TIAM2: variants seen among roughly 807,000 people sequenced by gnomAD.
TIAM2 encodes TIAM Rac1 associated GEF 2, also known as rho guanine nucleotide exchange factor TIAM2.
In TIAM2, 80 loss-of-function variants were observed where a neutral mutation model predicts 152.9. The ratio of observed to expected loss-of-function variants is 0.52; its 90% CI spans 0.44 to 0.63. The LOEUF is 0.63. Among genes scored for constraint, TIAM2 ranks in the 30% least tolerant of loss-of-function variants. TIAM2 has a pLI of 0.00. For missense variants in TIAM2, 1,965 were observed against 2,120.1 expected (o/e 0.93, Z 1.44); for synonymous variants, 804 against 838.0 (o/e 0.96, Z 0.70).
At chr6:155,036,465 T>C (rs1015010194) in intron 1 of TIAM2, among the ~76,000 whole-genome samples, 1 of 132,478 alleles carries the variant, frequency 7.5e-6, no homozygotes, top group Admixed American at 8.5e-5. Flanking sequence ...ACCCGGGAGG[T>C]GGAGGTTTCA....
chr6:155,046,552 C>T (rs1448239298), intron 1 of TIAM2, among the ~76,000 whole-genome samples: 1 of 152,186 alleles, frequency 6.6e-6, no homozygotes. Flanking sequence ...CCAGGCTGGT[C>T]TCGAACTCCT....
chr6:155,018,836 C>G (rs1451501129), intron 1 of TIAM2, among the ~76,000 whole-genome samples: 1 of 131,526 alleles, frequency 7.6e-6, no homozygotes, highest in East Asian at 2.2e-4. Context: ...GTCACGAGTT[C>G]GACATCAGCC....
At chr6:155,139,212 G>A (rs909440864) in intron 5 of TIAM2, among the ~76,000 whole-genome samples, 9 of 152,270 alleles carry the variant, frequency 5.9e-5, no homozygotes, top group East Asian at 1.9e-4. Context: ...GCCCCTTATC[G>A]AACAGTTGGA....
chr6:155,063,561 A>C (rs1026976530), intron 1 of TIAM2, among the ~76,000 whole-genome samples: 1 of 152,244 alleles, frequency 6.6e-6, no homozygotes, highest in Non-Finnish European at 1.5e-5. Flanking sequence ...AGGTGGGCGG[A>C]TCACAAGGTC....
chr6:155,032,228 G>A (rs9480017), intron 1 of TIAM2, among the ~76,000 whole-genome samples: 2 of 151,898 alleles, frequency 1.3e-5, no homozygotes, highest in Non-Finnish European at 1.5e-5. Context: ...AAGCCTGTGC[G>A]AACCTGCCTG....
chr6:155,107,515 A>G (rs1424423001), intron 2 of TIAM2, among the ~76,000 whole-genome samples: 1 of 152,218 alleles, frequency 6.6e-6, no homozygotes, highest in Admixed American at 6.5e-5. Context: ...ATTGATGACT[A>G]TTACTTTACC....
chr6:155,062,365 T>C (rs1777601729), intron 1 of TIAM2, among the ~76,000 whole-genome samples: 1 of 152,110 alleles, frequency 6.6e-6, no homozygotes. Context: ...AGGAGTAGAA[T>C]TGTTAGGTTG....
At chr6:155,106,812 G>A (rs1049810086) in intron 2 of TIAM2, among the ~76,000 whole-genome samples, 4 of 152,242 alleles carry the variant, frequency 2.6e-5, no homozygotes, top group African/African-American at 4.8e-5. Flanking sequence ...AGTCATGGGC[G>A]AGCCTGGCCT....
At chr6:155,187,261 G>C (rs1196668325) in intron 14 of TIAM2, among the ~76,000 whole-genome samples, 1 of 152,066 alleles carries the variant, frequency 6.6e-6, no homozygotes, top group Non-Finnish European at 1.5e-5. Flanking sequence ...AAAAAAATCT[G>C]TCTCTGTCTA....
intron 1 of TIAM2, among the ~76,000 whole-genome samples, chr6:155,077,143 C>A (rs1182664761): frequency 1.3e-5 from 2 of 151,822 alleles, no homozygotes; most frequent in African/African-American, 4.8e-5. Flanking sequence ...TCTATAAACT[C>A]CTAAAGCATG....
intron 2 of TIAM2, among the ~76,000 whole-genome samples, chr6:155,119,480 C>T (rs1779102448): frequency 6.6e-6 from 1 of 152,086 alleles, no homozygotes; most frequent in Non-Finnish European, 1.5e-5. Flanking sequence ...GCTGGGATTA[C>T]AGGCATGAGC....
At chr6:155,087,801 T>A (rs1778205831) in intron 1 of TIAM2, among the ~76,000 whole-genome samples, 1 of 152,130 alleles carries the variant, frequency 6.6e-6, no homozygotes, top group Non-Finnish European at 1.5e-5. Flanking sequence ...CATACTGGGT[T>A]AATGACAAAG....
intron 14 of TIAM2, among the ~76,000 whole-genome samples, chr6:155,194,045 T>C (rs901988539): frequency 1.3e-5 from 2 of 152,204 alleles, no homozygotes; most frequent in African/African-American, 4.8e-5. Flanking sequence ...CCGATACATA[T>C]GGAGCAGCAA....
chr6:155,236,054 A>G (rs758361012), intron 15 of TIAM2, among the ~76,000 whole-genome samples: 7 of 152,100 alleles, frequency 4.6e-5, no homozygotes, highest in Non-Finnish European at 7.4e-5. Flanking sequence ...ATATTGTCTG[A>G]GCTTGTGGTG....
At chr6:155,047,667 GGAGA>G (rs143874214) in intron 1 of TIAM2, among the ~76,000 whole-genome samples, 2 of 73,398 alleles carry the variant, frequency 2.7e-5, no homozygotes, top group African/African-American at 5.3e-5. Context: ...GAGAGAGAGA[GGAGA>G]GAGAGAGAGA....
chr6:155,029,762 A>ATATATATATATATATATAT (rs1370468640), intron 1 of TIAM2, among the ~76,000 whole-genome samples: 1 of 116,448 alleles, frequency 8.6e-6, no homozygotes, highest in African/African-American at 3.1e-5. Context: ...ATATATGTAG[A>ATATATATATATATATATAT]AAAAAACCTA....
At chr6:155,062,111 C>A (rs1417372093) in intron 1 of TIAM2, among the ~76,000 whole-genome samples, 1 of 150,530 alleles carries the variant, frequency 6.6e-6, no homozygotes, top group African/African-American at 2.4e-5. Flanking sequence ...CGCGCACCAC[C>A]CCCCACTTAG....
chr6:155,148,021 T>G (rs1186598526), intron 6 of TIAM2, 89 bp from the exon 7 acceptor site: 1 of 1,335,260 alleles, frequency 7.5e-7, no homozygotes, highest in Non-Finnish European at 1.1e-6. Flanking sequence ...ACTTCTTGGG[T>G]TTTGTACATC....
intron 5 of TIAM2, among the ~76,000 whole-genome samples, chr6:155,140,915 C>T (rs1034623867): frequency 6.6e-6 from 1 of 152,152 alleles, no homozygotes; most frequent in Non-Finnish European, 1.5e-5. Context: ...CCACATTTGT[C>T]CAGAGCCAAA....
Sources: allele counts gnomAD v4.1 joint callset (sites outside exome capture counted in the v4.1 genomes callset), GRCh38; gene constraint gnomAD v4.1.1; transcripts MANE v1.5; gene names NCBI Gene and HGNC (gene_info 2026-07-23, HGNC 2026-07-21).